The following HECW1 variants were observed in gnomAD, a reference collection of about 807,000 sequenced individuals.
HECW1 encodes the protein HECT, C2 and WW domain containing E3 ubiquitin protein ligase 1, also known as E3 ubiquitin-protein ligase HECW1.
HECW1 carries 61 observed loss-of-function variants against 182.3 expected under a neutral mutation model. That is an observed-to-expected ratio of 0.33 (90% CI 0.27 to 0.41). The LOEUF is 0.41. Among genes scored for constraint, HECW1 ranks in the 10% least tolerant of loss-of-function variants. The pLI is 1.00. For missense variants in HECW1, 1,739 were observed against 2,108.9 expected (o/e 0.82, Z 3.44); for synonymous variants, 859 against 832.6 (o/e 1.03, Z -0.55).
chr7:43,348,904 T>A (rs559955176), intron 5 of HECW1, among the ~76,000 whole-genome samples: 5 of 152,244 alleles, frequency 3.3e-5, no homozygotes, highest in African/African-American at 1.2e-4. Flanking sequence ...TTCTTAAATT[T>A]ATTGAGGCTC....
intron 28 of HECW1, among the ~76,000 whole-genome samples, chr7:43,552,630 C>G (rs1038547630): frequency 2.6e-5 from 4 of 152,184 alleles, no homozygotes; most frequent in Non-Finnish European, 4.4e-5. Context: ...ATGGATTTGC[C>G]TATTCTGGAT....
At position 43,412,587 on chromosome 7, in the gene HECW1, A is replaced by G. The variant is rs1378949033; in HGVS notation, c.801+4856A>G. Among the ~76,000 whole-genome samples, 564 of 138,420 alleles carry G rather than the reference A, an allele frequency of 4.1e-3. 8 individuals carry two copies. Among genetic ancestry groups the G allele is most frequent in the East Asian group, 0.022 (98 of 4,392 alleles). The allele number at this position is 138,420 out of a possible 152,430, so 90.8% of individuals were successfully genotyped here. ...CATCTAGCATTAGGTATATCTCCCA[A>G]TGCTATCCCTCCCCCCTCCCCCCAC... is the stretch of plus-strand genomic sequence containing the variant. On this transcript the variant is annotated intron_variant, in intron 8 of 29. Coordinates refer to ENST00000395891, the MANE Select transcript of HECW1 (RefSeq NM_015052.5).
chr7:43,384,150 A>C (rs2074674682), intron 6 of HECW1, among the ~76,000 whole-genome samples: 1 of 152,246 alleles, frequency 6.6e-6, no homozygotes, highest in Admixed American at 6.5e-5. Flanking sequence ...AGACTCACAC[A>C]GTTCAAACCC....
chr7:43,407,759 C>T (rs1415039014), intron 8 of HECW1, 28 bp downstream of exon 8: 1 of 1,583,958 alleles, frequency 6.3e-7, no homozygotes, highest in Non-Finnish European at 8.6e-7. Flanking sequence ...TGAAAAAAAG[C>T]CCAAGTAAAA....
In HECW1 at chr7:43,285,988, G is replaced by A. The variant is rs551056246; in HGVS notation, c.28-25775G>A. ...CTAAACACAAGAACTAGTTAGGGACGTCTTAGTCTATGTCAGTAAGTCATA... is the reference window on the plus strand; with the variant it reads ...CTAAACACAAGAACTAGTTAGGGACATCTTAGTCTATGTCAGTAAGTCATA... On this transcript the variant is annotated intron_variant, in intron 3 of 29. Coordinates refer to ENST00000395891, the MANE Select transcript of HECW1 (RefSeq NM_015052.5). 5.3e-5 allele frequency among the ~76,000 whole-genome samples: 8 copies of A among 152,268 alleles called. No homozygotes were observed. The East Asian group carries it at 5.8e-4, about 11-fold the overall frequency.
At chr7:43,513,457 G>T (rs2079978782) in intron 24 of HECW1, among the ~76,000 whole-genome samples, 1 of 152,190 alleles carries the variant, frequency 6.6e-6, no homozygotes, top group Non-Finnish European at 1.5e-5. Flanking sequence ...GCTCCCCTTT[G>T]AGAGTGGGTA....
At chr7:43,311,586 A>T in intron 3 of HECW1, 177 bp from the exon 4 acceptor site, 1 of 769,330 alleles carries the variant, frequency 1.3e-6, no homozygotes, top group Non-Finnish European at 2.4e-6. Flanking sequence ...CCCCGTGTGA[A>T]CCCAGAGCTG....
chr7:43,510,851 C>T (rs887428128), intron 24 of HECW1: 1 of 152,150 alleles, frequency 6.6e-6, no homozygotes, highest in Non-Finnish European at 1.5e-5. Flanking sequence ...AAAATAAGGC[C>T]ACAGGTGAAG....
At chr7:43,151,289 T>TA (rs1261238587) in intron 2 of HECW1, among the ~76,000 whole-genome samples, 2 of 152,196 alleles carry the variant, frequency 1.3e-5, no homozygotes, top group African/African-American at 4.8e-5. Context: ...TTCCTTGACT[T>TA]AGAGTTTCCA....
At chr7:43,359,633 T>C (rs1815619180) in intron 5 of HECW1, among the ~76,000 whole-genome samples, 1 of 152,200 alleles carries the variant, frequency 6.6e-6, no homozygotes, top group Admixed American at 6.5e-5. Context: ...GTCTCAATTA[T>C]GCAAAAATCT....
At chr7:43,133,112 T>C (rs1005796477) in intron 2 of HECW1, among the ~76,000 whole-genome samples, 2 of 152,128 alleles carry the variant, frequency 1.3e-5, no homozygotes, top group Non-Finnish European at 2.9e-5. Context: ...ATTACATTAA[T>C]AAGTTTCCTA....
chr7:43,364,256 T>G (rs1409598787), intron 6 of HECW1, among the ~76,000 whole-genome samples: 1 of 152,214 alleles, frequency 6.6e-6, no homozygotes, highest in Non-Finnish European at 1.5e-5. Flanking sequence ...TCAATTCTTT[T>G]TCTCATTGTC....
intron 13 of HECW1, among the ~76,000 whole-genome samples, chr7:43,463,354 G>A (rs898997233): frequency 6.6e-6 from 1 of 152,124 alleles, no homozygotes; most frequent in East Asian, 1.9e-4. Context: ...TCTTATTTTA[G>A]ACTTAGCCTG....
chr7:43,298,639 G>A (rs1038501768), intron 3 of HECW1, among the ~76,000 whole-genome samples: 2 of 152,202 alleles, frequency 1.3e-5, no homozygotes, highest in African/African-American at 4.8e-5. Flanking sequence ...TGTGGCTCTA[G>A]CTTCCTCAGC....
At chr7:43,439,310 T>A (rs2076805271) in intron 9 of HECW1, 1 of 152,150 alleles carries the variant, frequency 6.6e-6, no homozygotes, top group African/African-American at 2.4e-5. Flanking sequence ...AAAGGATCAA[T>A]AATTATGTAA....
intron 3 of HECW1, among the ~76,000 whole-genome samples, chr7:43,294,052 C>T (rs1805740625): frequency 6.6e-6 from 1 of 152,184 alleles, no homozygotes; most frequent in Non-Finnish European, 1.5e-5. Flanking sequence ...CACACACTGT[C>T]CTTGGAGAAA....
chr7:43,212,660 G>A (rs1796100643), intron 2 of HECW1, among the ~76,000 whole-genome samples: 2 of 152,060 alleles, frequency 1.3e-5, no homozygotes, highest in African/African-American at 4.8e-5. Context: ...TTATTATCTT[G>A]TTTATAGAAC....
intron 2 of HECW1, among the ~76,000 whole-genome samples, chr7:43,228,180 A>C (rs1349153738): frequency 1.3e-5 from 2 of 152,216 alleles, no homozygotes; most frequent in African/African-American, 2.4e-5. Flanking sequence ...TATTTGCAAC[A>C]AGTATGTTAG....
At chr7:43,211,899 C>T (rs1796040199) in intron 2 of HECW1, among the ~76,000 whole-genome samples, 1 of 152,258 alleles carries the variant, frequency 6.6e-6, no homozygotes, top group South Asian at 2.1e-4. Flanking sequence ...GTTTGGAATT[C>T]TTCAGATGTA....
Sources: allele counts gnomAD v4.1 joint callset (sites outside exome capture counted in the v4.1 genomes callset), GRCh38; gene constraint gnomAD v4.1.1; transcripts MANE v1.5; gene names NCBI Gene and HGNC (gene_info 2026-07-23, HGNC 2026-07-21).